DNAH8: variants seen among roughly 807,000 people sequenced by gnomAD.
DNAH8 encodes dynein axonemal heavy chain 8.
A neutral mutation model predicts 562.1 loss-of-function variants in DNAH8; 382 were observed. That is an observed-to-expected ratio of 0.68 (90% CI 0.63 to 0.74). DNAH8 has a LOEUF of 0.74. Among genes scored for constraint, DNAH8 ranks in the 30% least tolerant of loss-of-function variants. DNAH8 has a pLI of 0.00. For missense variants in DNAH8, 5,203 were observed against 5,620.4 expected (o/e 0.93, Z 2.37); for synonymous variants, 1,881 against 1,919.4 (o/e 0.98, Z 0.52).
At chr6:38,834,167 C>T (rs1230424076) in intron 31 of DNAH8, among the ~76,000 whole-genome samples, 1 of 152,202 alleles carries the variant, frequency 6.6e-6, no homozygotes, top group African/African-American at 2.4e-5. Context: ...TGCACAAACA[C>T]AGCATCATCA....
intron 88 of DNAH8, among the ~76,000 whole-genome samples, chr6:39,002,712 C>T (rs1765567385): frequency 6.6e-6 from 1 of 152,118 alleles, no homozygotes; most frequent in Non-Finnish European, 1.5e-5. Flanking sequence ...ATATACTATA[C>T]AGTCAATTTT....
chr6:38,786,663 C>G, intron 17 of DNAH8, 102 bp from the exon 18 acceptor site: 1 of 1,220,924 alleles, frequency 8.2e-7, no homozygotes, highest in Non-Finnish European at 1.1e-6. Context: ...TTCCTTTGCC[C>G]TCAAGAAGTT....
chr6:38,828,104 A>T, intron 29 of DNAH8, 80 bp from the exon 30 acceptor site: 3 of 853,464 alleles, frequency 3.5e-6, no homozygotes, highest in Non-Finnish European at 5.7e-6. Flanking sequence ...AGACATAGGA[A>T]TGTGTTTCTA....
intron 10 of DNAH8, among the ~76,000 whole-genome samples, chr6:38,757,594 C>A (rs566696512): frequency 2.6e-5 from 4 of 152,162 alleles, no homozygotes; most frequent in Non-Finnish European, 1.5e-5. Context: ...GAAGTCCTTG[C>A]CCATACCTAT....
intron 41 of DNAH8, among the ~76,000 whole-genome samples, chr6:38,855,747 C>T (rs1262670370): frequency 1.3e-5 from 2 of 152,144 alleles, no homozygotes; most frequent in Non-Finnish European, 2.9e-5. Flanking sequence ...CCCCACCCGG[C>T]CCGGCCACAA....
rs190044770 is a variant in DNAH8 at position 38,992,080 on chromosome 6, C to T, written c.13214+1908C>T. Among the ~76,000 whole-genome samples the T allele has an allele frequency of 1.2e-3, 183 of 152,290 alleles. 2 individuals carry two copies. The highest frequency in any genetic ancestry group is 4.0e-3 in the African/African-American group (165 of 41,556). ...TCTCAGGTTCAAGCGATTCTCCTGC[C>T]TCAGCCTCCCGAGTAGCTGAGATTA... is the stretch of plus-strand genomic sequence containing the variant. On this transcript the variant is annotated intron_variant, in intron 88 of 92. Transcript: ENST00000327475.
intron 53 of DNAH8, among the ~76,000 whole-genome samples, chr6:38,879,057 G>A (rs1297533963): frequency 6.6e-6 from 1 of 151,784 alleles, no homozygotes; most frequent in Non-Finnish European, 1.5e-5. Context: ...ATCCTAAATA[G>A]CCCTATATCT....
intron 36 of DNAH8, among the ~76,000 whole-genome samples, chr6:38,846,954 C>T (rs1253794034): frequency 6.6e-6 from 1 of 152,184 alleles, no homozygotes; most frequent in African/African-American, 2.4e-5. Context: ...TCATCAAATT[C>T]TGGGAGATTC....
intron 88 of DNAH8, among the ~76,000 whole-genome samples, chr6:39,008,105 T>G (rs1482890502): frequency 6.6e-6 from 1 of 151,888 alleles, no homozygotes; most frequent in Non-Finnish European, 1.5e-5. Context: ...GAAAGCATCC[T>G]GTTCTTTCCC....
At chr6:38,736,967 A>G in intron 5 of DNAH8, 100 bp from the exon 6 acceptor site, 2 of 796,572 alleles carry the variant, frequency 2.5e-6, no homozygotes, top group Non-Finnish European at 3.7e-6. Flanking sequence ...TATAAAATGT[A>G]TTAGTTGTCT....
At chr6:38,807,161 T>G (rs1771354013) in intron 23 of DNAH8, among the ~76,000 whole-genome samples, 1 of 152,220 alleles carries the variant, frequency 6.6e-6, no homozygotes, top group African/African-American at 2.4e-5. Context: ...AATTTTCATC[T>G]CATATATTTG....
chr6:38,915,731 C>T (rs1440091883), intron 68 of DNAH8, among the ~76,000 whole-genome samples: 1 of 152,064 alleles, frequency 6.6e-6, no homozygotes, highest in African/African-American at 2.4e-5. Context: ...CCTGTGGTTC[C>T]CACTGCTCTT....
chr6:38,962,231 T>A (rs1229924545), intron 82 of DNAH8, among the ~76,000 whole-genome samples: 1 of 152,112 alleles, frequency 6.6e-6, no homozygotes, highest in African/African-American at 2.4e-5. Context: ...AATCTATAAA[T>A]TGAAGCCAAG....
intron 16 of DNAH8, among the ~76,000 whole-genome samples, chr6:38,782,320 G>C (rs113083293): frequency 6.6e-6 from 1 of 151,076 alleles, no homozygotes; most frequent in African/African-American, 2.4e-5. Context: ...TTGCTCTCTC[G>C]CCCAGGCTGG....
At position 39,012,524 on chromosome 6, in the gene DNAH8, C is replaced by A; in HGVS notation, c.13601C>A (p.Ser4534Tyr). Reference protein sequence around the residue: ...QLWKRVSWDSSTLGFWFTELL... With the variant: ...QLWKRVSWDSYTLGFWFTELL... ...TGGAAAAGAGTGTCTTGGGATTCGT[C>A]CACACTGGGCTTCTGGTTCACTGAA... is the stretch of plus-strand genomic sequence containing the variant. The change falls in exon 91 of 93, where the codon TCC (serine) becomes TAC (tyrosine). Residue 4534 changes from serine (S) to tyrosine (Y), a missense_variant. This residue lies in a region of DNAH8 where 1,399 missense variants were observed against 1,518.4 expected (regional missense o/e 0.92). Coordinates refer to ENST00000327475, the MANE Select transcript of DNAH8 (RefSeq NM_001206927.2). 1 of 1,613,954 alleles carries A rather than the reference C, an allele frequency of 6.2e-7. No individual in the cohort carries two copies. Among genetic ancestry groups the A allele is most frequent in the Admixed American group, 1.7e-5 (1 of 60,024 alleles).
chr6:38,734,329 C>T, intron 4 of DNAH8, 145 bp from the exon 5 acceptor site: 1 of 709,616 alleles, frequency 1.4e-6, no homozygotes, highest in Non-Finnish European at 2.0e-6. Context: ...CTAGTAGACC[C>T]CCCCCCAAAA....
intron 12 of DNAH8, among the ~76,000 whole-genome samples, chr6:38,772,996 T>TTTTTTTTTTTTTTGTTG (rs1554205957): frequency 5.5e-5 from 6 of 109,942 alleles, no homozygotes; most frequent in African/African-American, 2.1e-4. Flanking sequence ...TTTTTTTTTT[T>TTTTTTTTTTTTTTGTTG]TTGTAGAGAT....
chr6:38,757,069 A>G (rs1177497920), intron 10 of DNAH8, among the ~76,000 whole-genome samples: 2 of 152,124 alleles, frequency 1.3e-5, no homozygotes, highest in African/African-American at 2.4e-5. Context: ...TGGTATTTCT[A>G]GTTCTAGATC....
intron 33 of DNAH8, among the ~76,000 whole-genome samples, chr6:38,838,746 G>T (rs1774521939): frequency 6.6e-6 from 1 of 152,020 alleles, no homozygotes; most frequent in Admixed American, 6.5e-5. Context: ...TTCCCCATTG[G>T]GTAGACATAG....
Sources: gnomAD v4.1 joint callset for allele counts (sites outside exome capture counted in the v4.1 genomes callset) on GRCh38, gnomAD v4.1.1 for gene constraint, gnomAD v4.1.1 regional missense constraint, MANE v1.5 for transcripts, NCBI Gene and HGNC (gene_info 2026-07-23, HGNC 2026-07-21) for gene names.